Variants in DDR2 observed in about 807,000 individuals in gnomAD.
The protein encoded by DDR2 is discoidin domain-containing receptor 2.
DDR2 carries 27 observed loss-of-function variants against 94.9 expected under a neutral mutation model. The observed-to-expected ratio is 0.28, with a 90% CI of 0.21 to 0.39. The LOEUF (loss-of-function observed/expected upper bound fraction) is 0.39. Among genes scored for constraint, DDR2 ranks in the 10% least tolerant of loss-of-function variants. The pLI is 1.00. For missense variants in DDR2, 783 were observed against 1,076.0 expected, an observed-to-expected ratio of 0.73 and a Z score of 3.81; for synonymous variants, 382 against 377.2, an observed-to-expected ratio of 1.01 and a Z score of -0.15.
At chr1:162,636,763 A>G (rs1195855419) in intron 1 of DDR2, among the ~76,000 whole-genome samples, 1 of 152,200 alleles carries the variant, frequency 6.6e-6, no homozygotes, top group African/African-American at 2.4e-5. Context: ...ATGGTAGGTA[A>G]TGCAAGATAA....
intron 3 of DDR2, among the ~76,000 whole-genome samples, chr1:162,751,002 G>T (rs1435587085): frequency 6.6e-6 from 1 of 152,078 alleles, no homozygotes; most frequent in Admixed American, 6.6e-5. Flanking sequence ...AATTCAAGAT[G>T]GATCAAAGAC....
At chr1:162,665,493 C>T (rs192817141) in intron 2 of DDR2, among the ~76,000 whole-genome samples, 26 of 152,196 alleles carry the variant, frequency 1.7e-4, no homozygotes, top group African/African-American at 2.9e-4. Context: ...TTGACCCTTC[C>T]TAGCTCATGT....
chr1:162,717,000 G>A (rs1358604396), intron 2 of DDR2, among the ~76,000 whole-genome samples: 10 of 151,320 alleles, frequency 6.6e-5, no homozygotes, highest in Non-Finnish European at 1.5e-4. Flanking sequence ...TTGATTATTA[G>A]TGTTACTCAG....
chr1:162,638,181 C>T (rs1571126991), intron 1 of DDR2, among the ~76,000 whole-genome samples: 1 of 152,084 alleles, frequency 6.6e-6, no homozygotes, highest in East Asian at 1.9e-4. Flanking sequence ...CCACCAAGCC[C>T]AGCAAATTTT....
intron 3 of DDR2, among the ~76,000 whole-genome samples, chr1:162,722,127 C>T (rs1035078293): frequency 3.3e-5 from 5 of 152,116 alleles, no homozygotes; most frequent in African/African-American, 1.2e-4. Flanking sequence ...AAATGTCTCA[C>T]AGGTGTCATC....
In DDR2 at chr1:162,786,490, A is replaced by G. The variant is rs1022901573; in HGVS notation, c.*6244A>G. 6.6e-6 allele frequency: 1 copy of G among 152,268 alleles called. No homozygotes were observed. The allele number at this position is 152,268 out of a possible 1,614,324, so 9.4% of individuals were successfully genotyped here. ...GAAAAAGAAACGTGATACCAATTGTATATTTTCTTTTCTTTATTTATTCTC... is the reference window on the plus strand; with the variant it reads ...GAAAAAGAAACGTGATACCAATTGTGTATTTTCTTTTCTTTATTTATTCTC... On this transcript the variant is annotated 3_prime_UTR_variant, in exon 18 of 18. Coordinates refer to ENST00000367921, the MANE Select transcript of DDR2 (RefSeq NM_006182.4).
At chr1:162,681,457 T>C (rs1487194200) in intron 2 of DDR2, among the ~76,000 whole-genome samples, 1 of 152,234 alleles carries the variant, frequency 6.6e-6, no homozygotes, top group East Asian at 1.9e-4. Context: ...AGACCATTTA[T>C]GGATGATGAA....
intron 3 of DDR2, among the ~76,000 whole-genome samples, chr1:162,728,067 T>C (rs1427487231): frequency 7.0e-6 from 1 of 143,204 alleles, no homozygotes. Context: ...ATAATCACAC[T>C]ATATATATCT....
At chr1:162,752,100 A>G (rs552474026) in intron 3 of DDR2, among the ~76,000 whole-genome samples, 237 of 152,318 alleles carry the variant, frequency 1.6e-3, no homozygotes, top group African/African-American at 5.4e-3. Context: ...ATATGTGACA[A>G]ACCTGCACAT....
chr1:162,663,066 A>G (rs985275299), intron 2 of DDR2, among the ~76,000 whole-genome samples: 4 of 152,206 alleles, frequency 2.6e-5, no homozygotes, highest in Non-Finnish European at 5.9e-5. Context: ...CATAACTAAG[A>G]AAGTGAATAT....
chr1:162,680,584 G>T (rs1659353667), intron 2 of DDR2, among the ~76,000 whole-genome samples: 2 of 152,098 alleles, frequency 1.3e-5, no homozygotes, highest in South Asian at 4.1e-4. Flanking sequence ...ATACCTCCTG[G>T]TTTGTTCAGC....
At chr1:162,672,209 T>C (rs575856803) in intron 2 of DDR2, among the ~76,000 whole-genome samples, 2 of 152,330 alleles carry the variant, frequency 1.3e-5, no homozygotes, top group African/African-American at 2.4e-5. Context: ...AACCATTCTG[T>C]GCTTCTATTA....
At chr1:162,771,181 A>T (rs1664249422) in intron 12 of DDR2, among the ~76,000 whole-genome samples, 1 of 152,228 alleles carries the variant, frequency 6.6e-6, no homozygotes, top group African/African-American at 2.4e-5. Context: ...TCAAAAAATG[A>T]TGCAGAGTCA....
chr1:162,655,327 C>G lies in DDR2; in HGVS notation c.-75C>G, dbSNP rs540114609. On this transcript the variant is annotated 5_prime_UTR_variant, in exon 2 of 18. Transcript: ENST00000367921. ...ATAATTGAAGAGAAGCAGAGGCCAG[C>G]TGTTTTTGAGGATCCTGCTCCACAG... The G allele has an allele frequency of 3.5e-4, 54 of 152,324 alleles. No homozygotes were observed. The highest frequency in any genetic ancestry group is 1.2e-3 in the African/African-American group (51 of 41,568). The allele number at this position is 152,324 out of a possible 1,614,324, so 9.4% of individuals were successfully genotyped here. A position where few individuals can be genotyped will look rare whatever the true frequency, so the allele number is the denominator to read the frequency against.
intron 3 of DDR2, among the ~76,000 whole-genome samples, chr1:162,739,118 T>G (rs1662458272): frequency 7.8e-6 from 1 of 128,170 alleles, no homozygotes; most frequent in African/African-American, 3.0e-5. Flanking sequence ...GGGATCTAAT[T>G]AAACTAAAGA....
At chr1:162,763,336 C>CTTTTTTTTTT (rs56323242) in intron 9 of DDR2, among the ~76,000 whole-genome samples, 1 of 56,500 alleles carries the variant, frequency 1.8e-5, no homozygotes, top group Non-Finnish European at 3.1e-5. Flanking sequence ...CCACGCCCGG[C>CTTTTTTTTTT]TTTTTTTTTT....
intron 1 of DDR2, among the ~76,000 whole-genome samples, chr1:162,650,568 C>G (rs1313468239): frequency 6.6e-6 from 1 of 152,074 alleles, no homozygotes; most frequent in Non-Finnish European, 1.5e-5. Context: ...TGCCCTCCAG[C>G]CTGGGCAACA....
At chr1:162,675,375 A>G (rs562164583) in intron 2 of DDR2, among the ~76,000 whole-genome samples, 3 of 152,168 alleles carry the variant, frequency 2.0e-5, no homozygotes, top group Non-Finnish European at 4.4e-5. Context: ...TGCAGAGGAC[A>G]TGTGCTCAAT....
intron 1 of DDR2, among the ~76,000 whole-genome samples, chr1:162,651,123 T>C (rs1009484529): frequency 6.6e-6 from 1 of 152,116 alleles, no homozygotes; most frequent in African/African-American, 2.4e-5. Context: ...GCCCCAGGTC[T>C]CTCCTCCAAA....
Sources: allele counts gnomAD v4.1 joint callset (sites outside exome capture counted in the v4.1 genomes callset), GRCh38; gene constraint gnomAD v4.1.1; transcripts MANE v1.5; gene names NCBI Gene and HGNC (gene_info 2026-07-23, HGNC 2026-07-21).